Variants in OSBPL10 observed in about 807,000 individuals in gnomAD.
The protein encoded by OSBPL10 is oxysterol binding protein like 10, also known as oxysterol-binding protein-related protein 10.
Under a neutral mutation model 81.7 loss-of-function variants are expected in OSBPL10, and 49 were observed. That is an observed-to-expected ratio of 0.60 (90% CI 0.48 to 0.76). The LOEUF is 0.76. Ranked by LOEUF, OSBPL10 falls within the 30% of genes least tolerant of loss-of-function variation. The pLI is 0.00. For missense variants in OSBPL10, 923 were observed against 987.8 expected, an observed-to-expected ratio of 0.93 and a Z score of 0.88; for synonymous variants, 419 against 383.6, an observed-to-expected ratio of 1.09 and a Z score of -1.08.
chr3:31,745,005 C>T (rs1304955497), intron 5 of OSBPL10, among the ~76,000 whole-genome samples: 4 of 152,188 alleles, frequency 2.6e-5, no homozygotes, highest in African/African-American at 9.7e-5. Context: ...TGTGCCCAGT[C>T]CTCAGCGAGG....
At chr3:31,762,197 G>A (rs1698065990) in intron 4 of OSBPL10, among the ~76,000 whole-genome samples, 1 of 152,138 alleles carries the variant, frequency 6.6e-6, no homozygotes, top group African/African-American at 2.4e-5. Context: ...CTCAAGGTCT[G>A]GTTTTAACCC....
intron 4 of OSBPL10, among the ~76,000 whole-genome samples, chr3:31,796,412 G>A (rs11924849): frequency 0.68 from 103,835 of 151,938 alleles, 35,454 homozygotes; most frequent in East Asian, 0.79. Flanking sequence ...TAGAGCATAC[G>A]GGAGGATGTA....
intron 2 of OSBPL10, among the ~76,000 whole-genome samples, chr3:32,042,051 A>C (rs1350734186): frequency 6.6e-6 from 1 of 152,142 alleles, no homozygotes; most frequent in East Asian, 1.9e-4. Context: ...GCCAAATTAG[A>C]AATCTGGCCA....
At chr3:31,811,739 A>T (rs1160874600) in intron 4 of OSBPL10, among the ~76,000 whole-genome samples, 2 of 152,190 alleles carry the variant, frequency 1.3e-5, no homozygotes, top group Non-Finnish European at 2.9e-5. Flanking sequence ...GTACACATTA[A>T]CAAATATGTG....
rs1696118471 is a variant in OSBPL10 at position 31,707,726 on chromosome 3, AAAG to A, written c.1096-5221_1096-5219del. Among the ~76,000 whole-genome samples the A allele has an allele frequency of 2.0e-5, 3 of 152,342 alleles. No homozygotes were observed. In the South Asian group the frequency reaches 6.2e-4, roughly 32 times the overall value. On this transcript the variant is annotated intron_variant, in intron 6 of 11. Coordinates refer to ENST00000396556, the MANE Select transcript of OSBPL10 (RefSeq NM_017784.5). ...ACTGTCAGGTACACAGCAGCATGGCAAAGAAGTAACCAGGGAATGATGTCCCCT... is the reference window on the plus strand; with the variant it reads ...ACTGTCAGGTACACAGCAGCATGGCAAAGTAACCAGGGAATGATGTCCCCT...
intron 1 of OSBPL10, among the ~76,000 whole-genome samples, chr3:31,979,425 G>C (rs536931277): frequency 6.6e-6 from 1 of 152,098 alleles, no homozygotes; most frequent in African/African-American, 2.4e-5. Context: ...GTTGAGTTTC[G>C]TGCAGATAAC....
chr3:32,066,211 A>T lies in OSBPL10; in HGVS notation n.185+11185T>A, dbSNP rs949593710. ...AAGGAAGGAAGGAAGGAAGGAAGGAAGGAAGGACATCCCCCACCCTTGCAA... is the reference window on the plus strand; with the variant it reads ...AAGGAAGGAAGGAAGGAAGGAAGGATGGAAGGACATCCCCCACCCTTGCAA... On this transcript the variant is annotated intron_variant and non_coding_transcript_variant, in intron 1 of 3. Coordinates refer to the OSBPL10 transcript ENST00000479173. 2.9e-4 allele frequency among the ~76,000 whole-genome samples: 23 copies of T among 78,324 alleles called. 7 individuals are homozygous for T. The highest frequency in any genetic ancestry group is 2.9e-3 in the Admixed American group (18 of 6,292). 51.4% of individuals were successfully genotyped at this position (78,324 alleles called of 152,430 possible). A position where few individuals can be genotyped will look rare whatever the true frequency, so the allele number is the denominator to read the frequency against.
At chr3:31,711,968 G>A (rs544274814) in intron 6 of OSBPL10, among the ~76,000 whole-genome samples, 3 of 152,300 alleles carry the variant, frequency 2.0e-5, no homozygotes, top group African/African-American at 7.2e-5. Flanking sequence ...GGTGATCAGA[G>A]GGGCTCACAC....
intron 6 of OSBPL10, chr3:31,704,526 G>A (rs1695998947): frequency 6.6e-6 from 1 of 152,228 alleles, no homozygotes; most frequent in Non-Finnish European, 1.5e-5. Flanking sequence ...CCCAACAGGT[G>A]GAGTGGGCTG....
At position 32,066,037 on chromosome 3, in the gene OSBPL10, GAA is replaced by G. The variant is rs1699777474; in HGVS notation, n.185+11357_185+11358del. On this transcript the variant is annotated intron_variant and non_coding_transcript_variant, in intron 1 of 3. Transcript: ENST00000479173. Reference sequence around the variant, plus strand: ...AGAAAGAAAGAAAGAGAGAGAGAGAGAAAGAGAAAGAGAAGGTTGCAAGGTTG... The same window carrying G: ...AGAAAGAAAGAAAGAGAGAGAGAGAGAGAGAAAGAGAAGGTTGCAAGGTTG... Among the ~76,000 whole-genome samples the G allele has an allele frequency of 3.5e-5, 3 of 84,908 alleles. 1 individual carries two copies. The highest frequency in any genetic ancestry group is 8.9e-5 in the African/African-American group (3 of 33,660). 55.7% of individuals were successfully genotyped at this position (84,908 alleles called of 152,430 possible). A position where few individuals can be genotyped will look rare whatever the true frequency, so the allele number is the denominator to read the frequency against.
chr3:31,743,768 G>A (rs1213253236), intron 5 of OSBPL10, among the ~76,000 whole-genome samples: 3 of 152,152 alleles, frequency 2.0e-5, no homozygotes, highest in African/African-American at 4.8e-5. Context: ...CCTGCCCATC[G>A]AACACTGAAA....
chr3:31,933,795 G>A (rs186998720), intron 1 of OSBPL10, among the ~76,000 whole-genome samples: 3 of 152,164 alleles, frequency 2.0e-5, no homozygotes, highest in Non-Finnish European at 2.9e-5. Flanking sequence ...CAATCAAGGG[G>A]TATTCAAATT....
chr3:31,774,033 G>A (rs749913530), intron 4 of OSBPL10, among the ~76,000 whole-genome samples: 4 of 151,958 alleles, frequency 2.6e-5, no homozygotes, highest in Non-Finnish European at 5.9e-5. Context: ...GTGGTGGCAC[G>A]CGCCTGTAAT....
At chr3:31,754,049 T>C (rs955041033) in intron 4 of OSBPL10, among the ~76,000 whole-genome samples, 2 of 152,196 alleles carry the variant, frequency 1.3e-5, no homozygotes, top group Non-Finnish European at 2.9e-5. Context: ...CAATTTTGTC[T>C]TCTCTCAATG....
chr3:31,961,322 C>T (rs2125463043), intron 1 of OSBPL10, among the ~76,000 whole-genome samples: 1 of 152,152 alleles, frequency 6.6e-6, no homozygotes, highest in East Asian at 1.9e-4. Context: ...GCCCAGGAAG[C>T]CAGGGAAGGC....
intron 2 of OSBPL10, among the ~76,000 whole-genome samples, chr3:31,992,512 C>T (rs930937894): frequency 7.2e-5 from 11 of 152,144 alleles, no homozygotes; most frequent in Non-Finnish European, 2.9e-5. Flanking sequence ...AGGCTGCCCA[C>T]ATTCCTTGGT....
In OSBPL10 at chr3:31,728,563, CAATGCAAAAGG is replaced by C. The variant is rs1252616102; in HGVS notation, c.1095+4683_1095+4693del. 1.5e-4 allele frequency among the ~76,000 whole-genome samples: 23 copies of C among 152,300 alleles called. 1 individual carries two copies. The highest frequency in any genetic ancestry group is 1.2e-3 in the East Asian group (6 of 5,196). On this transcript the variant is annotated intron_variant, in intron 6 of 11. Coordinates refer to ENST00000396556, the MANE Select transcript of OSBPL10 (RefSeq NM_017784.5). ...ATCTGTAGATCCCATACATACTATTCAATGCAAAAGGAATGCAAAAGGAATGCCTTAGAATG... is the reference window on the plus strand; with the variant it reads ...ATCTGTAGATCCCATACATACTATTCAATGCAAAAGGAATGCCTTAGAATG...
chr3:32,050,754 C>T (rs776252640), intron 1 of OSBPL10, among the ~76,000 whole-genome samples: 10 of 151,498 alleles, frequency 6.6e-5, no homozygotes, highest in Non-Finnish European at 1.5e-4. Context: ...CTCCGCCTCC[C>T]TAATTCAAGT....
At chr3:31,714,870 C>G (rs941074170) in intron 6 of OSBPL10, 2 of 152,286 alleles carry the variant, frequency 1.3e-5, no homozygotes, top group Admixed American at 6.6e-5. Context: ...CCTCTTAACA[C>G]TGTCTTGTAC....
Sources: allele counts gnomAD v4.1 joint callset (sites outside exome capture counted in the v4.1 genomes callset), GRCh38; gene constraint gnomAD v4.1.1; transcripts MANE v1.5; gene names NCBI Gene and HGNC (gene_info 2026-07-23, HGNC 2026-07-21).